PPP5C: variants seen among roughly 807,000 people sequenced by gnomAD.
The protein encoded by PPP5C is serine/threonine-protein phosphatase 5.
Under a neutral mutation model 66.7 loss-of-function variants are expected in PPP5C, and 21 were observed. The observed-to-expected ratio is 0.31, with a 90% CI of 0.22 to 0.45. The LOEUF (loss-of-function observed/expected upper bound fraction) is 0.45. Ranked by LOEUF, PPP5C falls within the 20% of genes least tolerant of loss-of-function variation. The pLI is 1.00. For synonymous variants in PPP5C, 246 were observed against 257.4 expected (o/e 0.96, Z 0.43); for missense variants, 464 against 675.9 (o/e 0.69, Z 3.48).
At chr19:46,364,426 A>C (rs1390350590) in intron 2 of PPP5C, among the ~76,000 whole-genome samples, 1 of 152,110 alleles carries the variant, frequency 6.6e-6, no homozygotes, top group Non-Finnish European at 1.5e-5. Flanking sequence ...GCAACATGGC[A>C]AGACCTCTTC....
At chr19:46,387,022 G>A in intron 7 of PPP5C, 71 bp from the exon 8 acceptor site, 12 of 1,608,950 alleles carry the variant, frequency 7.5e-6, no homozygotes, top group Non-Finnish European at 1.0e-5. Context: ...TCTGGGCCTT[G>A]AGGGTGCCAG....
At chr19:46,354,526 G>T (rs1016550139) in intron 2 of PPP5C, among the ~76,000 whole-genome samples, 1 of 152,094 alleles carries the variant, frequency 6.6e-6, no homozygotes, top group African/African-American at 2.4e-5. Context: ...GGGCACAGTG[G>T]CTCACGGCAG....
At chr19:46,374,433 G>A (rs1601432932) in intron 2 of PPP5C, among the ~76,000 whole-genome samples, 1 of 136,992 alleles carries the variant, frequency 7.3e-6, no homozygotes, top group South Asian at 2.4e-4. Flanking sequence ...AGGATGGTGG[G>A]CAGGTCAGAC....
At chr19:46,384,013 C>G in intron 6 of PPP5C, 135 bp downstream of exon 6, 1 of 765,620 alleles carries the variant, frequency 1.3e-6, no homozygotes, top group South Asian at 1.7e-5. Flanking sequence ...TGCTGGGGCA[C>G]CAAGGTGTGG....
At chr19:46,385,290 C>T (rs1488599343) in intron 7 of PPP5C, among the ~76,000 whole-genome samples, 1 of 152,120 alleles carries the variant, frequency 6.6e-6, no homozygotes. Flanking sequence ...AGACTGTTGA[C>T]GAGGCAGTTG....
chr19:46,367,151 A>G (rs1972504587), intron 2 of PPP5C, among the ~76,000 whole-genome samples: 1 of 152,190 alleles, frequency 6.6e-6, no homozygotes, highest in African/African-American at 2.4e-5. Flanking sequence ...TGAAAGCACA[A>G]CCCACTCCCA....
chr19:46,370,510 G>A (rs1422040366), intron 2 of PPP5C, among the ~76,000 whole-genome samples: 1 of 152,178 alleles, frequency 6.6e-6, no homozygotes, highest in Non-Finnish European at 1.5e-5. Context: ...GGACCTGCGT[G>A]AGGCCCTTGA....
At chr19:46,381,012 A>G (rs571467328) in intron 4 of PPP5C, among the ~76,000 whole-genome samples, 12 of 152,178 alleles carry the variant, frequency 7.9e-5, no homozygotes, top group Non-Finnish European at 1.8e-4. Flanking sequence ...ATACTATTTG[A>G]TACTATTCCT....
At chr19:46,358,530 A>T (rs1025582356) in intron 2 of PPP5C, among the ~76,000 whole-genome samples, 13 of 152,092 alleles carry the variant, frequency 8.5e-5, no homozygotes, top group Non-Finnish European at 1.6e-4. Context: ...TCATTCGTTT[A>T]CCCTCGTAAA....
rs780262606 is a variant in PPP5C at position 46,353,894 on chromosome 19, G to A, written c.268G>A (p.Glu90Lys). ...GCTGGGAGACGCCACGCGGGCCATT[G>A]AGCTGGACAAGAAGTACATCAAGGG... ...YALGDATRAI[E>K]LDKKYIKGYY... The change falls in exon 2 of 13, where the codon GAG (glutamate) becomes AAG (lysine). Residue 90 changes from glutamate (E) to lysine (K), a missense_variant. Physicochemically the swap from Glu to Lys is moderately conservative, Grantham distance 56. This residue lies in a region of PPP5C where 387 missense variants were observed against 626.0 expected (regional missense o/e 0.62). Transcript: ENST00000012443. 6.2e-7 allele frequency: 1 copy of A among 1,606,026 alleles called. No homozygotes were observed. Among genetic ancestry groups the A allele is most frequent in the Non-Finnish European group, 8.5e-7 (1 of 1,176,646 alleles).
intron 2 of PPP5C, among the ~76,000 whole-genome samples, chr19:46,372,410 A>T (rs1454936551): frequency 6.6e-6 from 1 of 151,856 alleles, no homozygotes; most frequent in East Asian, 1.9e-4. Flanking sequence ...ATAGGGACTC[A>T]CTATGTTGTC....
chr19:46,387,882 A>T, intron 9 of PPP5C: 1 of 465,364 alleles, frequency 2.1e-6, no homozygotes, highest in Non-Finnish European at 3.4e-6. Context: ...CTCTCCAGGG[A>T]GGCGAGGTTT....
chr19:46,390,448 ACC>A lies in PPP5C; in HGVS notation c.*106_*107del. ...AGGCCCCGCCCCAGGGCAATGTTGG[ACC>A]CCCTTTTACTTTGTAAAGTTTGTAT... On this transcript the variant is annotated 3_prime_UTR_variant, in exon 13 of 13. Transcript: ENST00000012443. 4 of 1,528,450 alleles carry A rather than the reference ACC, an allele frequency of 2.6e-6. No homozygotes were observed. The highest frequency in any genetic ancestry group is 2.6e-6 in the Non-Finnish European group (3 of 1,135,702). 94.7% of individuals were successfully genotyped at this position (1,528,450 alleles called of 1,614,324 possible).
rs1480990918 is a variant in PPP5C at position 46,390,278 on chromosome 19, C to G, written c.1438-6C>G. On this transcript the variant is annotated splice_polypyrimidine_tract_variant and splice_region_variant and intron_variant, in intron 12 of 12. Coordinates refer to ENST00000012443, the MANE Select transcript of PPP5C (RefSeq NM_006247.4). ...TCTGTCCATCCCACCTGCCCTGGTC[C>G]CACAGCCTCATCCCAACGTCAAGCC... The G allele has an allele frequency of 7.5e-6, 12 of 1,592,960 alleles. No homozygotes were observed. Among genetic ancestry groups the G allele is most frequent in the Non-Finnish European group, 1.7e-6 (2 of 1,169,702 alleles).
chr19:46,347,951 A>C lies in PPP5C; in HGVS notation c.121+734A>C, dbSNP rs540761410. ...GGTGAACCAGACATGAAAAAAAAAA[A>C]AACAAAAAAAAACCATGTAAATAAG... On this transcript the variant is annotated intron_variant, in intron 1 of 12. Coordinates refer to ENST00000012443, the MANE Select transcript of PPP5C (RefSeq NM_006247.4). 2.2e-4 allele frequency among the ~76,000 whole-genome samples: 33 copies of C among 151,754 alleles called. No homozygotes were observed. In the East Asian group the frequency reaches 4.2e-3, roughly 20 times the overall value.
chr19:46,352,807 G>A (rs1972212675), intron 1 of PPP5C, among the ~76,000 whole-genome samples: 1 of 141,954 alleles, frequency 7.0e-6, no homozygotes, highest in Non-Finnish European at 1.5e-5. Context: ...GCGACAGAGC[G>A]AGACTCCATC....
rs991870754 is a variant in PPP5C, at chr19:46,384,637, C to T, written c.799-167C>T. On this transcript the variant is annotated intron_variant, in intron 6 of 12. Coordinates refer to ENST00000012443, the MANE Select transcript of PPP5C (RefSeq NM_006247.4). ...GCCACGGTGAGGAAAGGATTAGAAA[C>T]CCAGATCCCTTGAGCCCTGCCAAGT... The T allele has an allele frequency of 6.8e-6, 4 of 591,306 alleles. No homozygotes were observed. The African/African-American group carries it at 7.5e-5, about 11-fold the overall frequency. 36.6% of individuals were successfully genotyped at this position (591,306 alleles called of 1,614,324 possible).
intron 2 of PPP5C, among the ~76,000 whole-genome samples, chr19:46,366,245 A>G (rs932899350): frequency 5.3e-5 from 8 of 151,958 alleles, no homozygotes; most frequent in Non-Finnish European, 1.0e-4. Flanking sequence ...CAAAATTAAC[A>G]TAGACAGAGT....
At chr19:46,352,144 GT>G (rs1972197798) in intron 1 of PPP5C, among the ~76,000 whole-genome samples, 1 of 152,120 alleles carries the variant, frequency 6.6e-6, no homozygotes, top group Admixed American at 6.5e-5. Flanking sequence ...CTCAGCCCCA[GT>G]GTCCCCTCCG....
Sources: allele counts gnomAD v4.1 joint callset (sites outside exome capture counted in the v4.1 genomes callset), GRCh38; gene constraint gnomAD v4.1.1; regional missense constraint gnomAD v4.1.1; transcripts MANE v1.5; gene names NCBI Gene and HGNC (gene_info 2026-07-23, HGNC 2026-07-21).